The following TMPRSS9 variants were observed in gnomAD, a reference collection of about 807,000 sequenced individuals.
TMPRSS9 encodes the protein transmembrane serine protease 9.
In TMPRSS9, 113 loss-of-function variants were observed where a neutral mutation model predicts 111.4. The ratio of observed to expected loss-of-function variants is 1.01; its 90% CI spans 0.87 to 1.19. TMPRSS9 has a LOEUF of 1.19. TMPRSS9 is among the 50% of genes most tolerant of loss of function. The probability of loss-of-function intolerance (pLI) is 0.00; values close to 1 mark genes in which losing one functional copy is unlikely to be tolerated. For synonymous variants in TMPRSS9, 805 were observed against 659.1 expected, an observed-to-expected ratio of 1.22 and a Z score of -3.39; for missense variants, 1,803 against 1,513.1, an observed-to-expected ratio of 1.19 and a Z score of -3.18.
chr19:2,422,362 G>C (rs974738792), intron 14 of TMPRSS9, 115 bp downstream of exon 15: 7 of 1,263,282 alleles, frequency 5.5e-6, no homozygotes, highest in Admixed American at 2.8e-5. Context: ...GGCGGATCAA[G>C]AGGTCAGGAG....
At chr19:2,403,285 C>T (rs1393293952) in intron 6 of TMPRSS9, 90 bp downstream of exon 7, 21 of 1,077,072 alleles carry the variant, frequency 1.9e-5, no homozygotes, top group Non-Finnish European at 2.9e-5. Flanking sequence ...GTGCTTATTT[C>T]ACTGGGCACA....
chr19:2,424,695 C>T (rs554399353), intron 15 of TMPRSS9, among the ~76,000 whole-genome samples: 6 of 152,280 alleles, frequency 3.9e-5, no homozygotes, highest in Non-Finnish European at 7.4e-5. Context: ...TCCGGTTTTC[C>T]AGAGGGGACA....
In TMPRSS9 at chr19:2,394,063, C is replaced by T. The variant is rs1159846743; in HGVS notation, c.143-2476C>T. Among the ~76,000 whole-genome samples, 4 of 152,036 alleles carry T rather than the reference C, an allele frequency of 2.6e-5. No homozygotes were observed. In the East Asian group the frequency reaches 7.7e-4, roughly 29 times the overall value. ...TAAAATACAAAAAACATTAGTTGGT[C>T]ATGGTGGCATGTGCCTGTAGTCCTA... is the stretch of plus-strand genomic sequence containing the variant. On this transcript the variant is annotated intron_variant, in intron 1 of 17. Coordinates refer to ENST00000648592, the Ensembl canonical transcript of TMPRSS9.
intron 1 of TMPRSS9, among the ~76,000 whole-genome samples, chr19:2,376,141 T>C (rs532129761): frequency 6.6e-6 from 1 of 152,218 alleles, no homozygotes; most frequent in East Asian, 1.9e-4. Context: ...GGCGAGAATG[T>C]GTTCCCGCCT....
intron 12 of TMPRSS9, among the ~76,000 whole-genome samples, chr19:2,417,760 C>T (rs1971283957): frequency 6.6e-6 from 1 of 152,190 alleles, no homozygotes; most frequent in Non-Finnish European, 1.5e-5. Context: ...CCTCCTACAC[C>T]TTACCCAGGT....
rs753075926 is a variant in TMPRSS9 at position 2,403,202 on chromosome 19, C to G, written c.670+7C>G. The G allele has an allele frequency of 3.1e-6, 5 of 1,597,826 alleles. No homozygotes were observed. The highest frequency in any genetic ancestry group is 4.3e-6 in the Non-Finnish European group (5 of 1,173,124). ...TCCGACGAGGCGCACTGCGGTCAGTCTGCCTGTCTGGCCTGGTCTCTGGGC... is the reference window on the plus strand; with the variant it reads ...TCCGACGAGGCGCACTGCGGTCAGTGTGCCTGTCTGGCCTGGTCTCTGGGC... On this transcript the variant is annotated splice_region_variant and intron_variant, in intron 6 of 17. Transcript: ENST00000648592.
rs369879557 is a variant in TMPRSS9 at position 2,425,693 on chromosome 19, G to A, written c.3120+200G>A. The stretch of plus-strand genomic sequence containing the variant: ...GGGCAACCCACCGCATCCCATCCCC[G>A]GGCCTCGGCGGCAGAGCAGGCAGAG... On this transcript the variant is annotated intron_variant, in intron 17 of 17. Coordinates refer to ENST00000648592, the Ensembl canonical transcript of TMPRSS9. 41 of 1,216,348 alleles carry A rather than the reference G, an allele frequency of 3.4e-5. No homozygotes were observed. The East Asian group carries it at 6.2e-4, about 19-fold the overall frequency. The allele number at this position is 1,216,348 out of a possible 1,614,324, so 75.3% of individuals were successfully genotyped here. A position where few individuals can be genotyped will look rare whatever the true frequency, so the allele number is the denominator to read the frequency against.
chr19:2,381,348 CTG>C (rs374631093), intron 1 of TMPRSS9, among the ~76,000 whole-genome samples: 8 of 150,962 alleles, frequency 5.3e-5, no homozygotes, highest in South Asian at 2.1e-4. Flanking sequence ...TGAATGAACA[CTG>C]TGTGTGTGTG....
chr19:2,398,486 C>T lies in TMPRSS9; in HGVS notation c.271-309C>T, dbSNP rs368585329. Reference sequence around the variant, plus strand: ...ACAAAAAATTAGTTGGGCATGGTGGCGGGCACCTGTAATCCCAGCTTCTTG... The same window carrying T: ...ACAAAAAATTAGTTGGGCATGGTGGTGGGCACCTGTAATCCCAGCTTCTTG... On this transcript the variant is annotated intron_variant, in intron 2 of 17. Transcript: ENST00000648592. Among the ~76,000 whole-genome samples, 518 of 147,448 alleles carry T rather than the reference C, an allele frequency of 3.5e-3. 5 individuals carry two copies. The highest frequency in any genetic ancestry group is 0.013 in the African/African-American group (498 of 39,726).
intron 13 of TMPRSS9, among the ~76,000 whole-genome samples, chr19:2,418,346 TTTCCCTC>T (rs1568189505): frequency 1.4e-4 from 4 of 29,126 alleles, no homozygotes; most frequent in African/African-American, 9.2e-4. Context: ...CTTCCCTCCC[TTTCCCTC>T]CCTCCCTCCC....
intron 9 of TMPRSS9, among the ~76,000 whole-genome samples, chr19:2,411,248 T>G (rs1408535895): frequency 2.6e-5 from 3 of 115,560 alleles, no homozygotes; most frequent in Non-Finnish European, 4.9e-5. Context: ...TGCAGTGAGC[T>G]GAGATCACGC....
intron 13 of TMPRSS9, among the ~76,000 whole-genome samples, chr19:2,419,548 A>G (rs12459318): frequency 0.42 from 55,854 of 133,062 alleles, 11,484 homozygotes; most frequent in African/African-American, 0.6. Context: ...ATGGAGTCTT[A>G]CTCTGTCGCC....
chr19:2,374,356 T>G (rs1240213096), intron 1 of TMPRSS9, among the ~76,000 whole-genome samples: 1 of 142,092 alleles, frequency 7.0e-6, no homozygotes, highest in Non-Finnish European at 1.5e-5. Flanking sequence ...GTGGATCACC[T>G]GAGGTCAGGA....
chr19:2,425,584 C>T, intron 17 of TMPRSS9, 91 bp downstream of exon 18: 1 of 1,395,566 alleles, frequency 7.2e-7, no homozygotes, highest in Non-Finnish European at 9.3e-7. Flanking sequence ...ATCCGGGAGC[C>T]ACCCTCCGGT....
intron 6 of TMPRSS9, among the ~76,000 whole-genome samples, chr19:2,404,004 A>G (rs554716794): frequency 4.8e-4 from 72 of 150,218 alleles, no homozygotes; most frequent in African/African-American, 1.3e-3. Context: ...AAAAAAAAAA[A>G]AAAAAGAAAA....
chr19:2,413,894 C>T (rs774377191), exon 10 of TMPRSS9: 1 of 1,613,218 alleles, frequency 6.2e-7, no homozygotes, highest in East Asian at 2.2e-5. Context: ...TGGCTCCTGC[C>T]CCTGCCGCCC....
intron 1 of TMPRSS9, among the ~76,000 whole-genome samples, chr19:2,363,130 A>G (rs894697294): frequency 2.6e-5 from 4 of 152,192 alleles, no homozygotes; most frequent in Admixed American, 2.6e-4. Flanking sequence ...CCCGCTGCCC[A>G]CAGCGTGTGA....
At chr19:2,399,443 G>A (rs1315823894) in intron 4 of TMPRSS9, among the ~76,000 whole-genome samples, 1 of 152,140 alleles carries the variant, frequency 6.6e-6, no homozygotes, top group East Asian at 1.9e-4. Context: ...GGGCGTGGTG[G>A]TGTGCACCTG....
chr19:2,405,252 G>A, intron 6 of TMPRSS9, 122 bp from the exon 8 acceptor site: 2 of 1,330,764 alleles, frequency 1.5e-6, no homozygotes, highest in Non-Finnish European at 2.0e-6. Flanking sequence ...CCAAGGAGGG[G>A]CCCCCAAGCA....
Sources: gnomAD v4.1 joint callset for allele counts (sites outside exome capture counted in the v4.1 genomes callset) on GRCh38, gnomAD v4.1.1 for gene constraint, MANE v1.5 for transcripts, NCBI Gene and HGNC (gene_info 2026-07-23, HGNC 2026-07-21) for gene names.